TPRG1: variants seen among roughly 807,000 people sequenced by gnomAD.
The protein encoded by TPRG1 is tumor protein p63-regulated gene 1 protein.
In TPRG1, 29 loss-of-function variants were observed where a neutral mutation model predicts 29.3. The observed-to-expected ratio is 0.99, with a 90% CI of 0.74 to 1.35. The LOEUF is 1.35. Ranked by LOEUF, TPRG1 falls within the 40% of genes most tolerant of loss-of-function variation. TPRG1 has a pLI of 0.00. For missense variants in TPRG1, 327 were observed against 335.0 expected, an observed-to-expected ratio of 0.98 and a Z score of 0.19; for synonymous variants, 130 against 116.8, an observed-to-expected ratio of 1.11 and a Z score of -0.73.
At chr3:189,128,995 A>C (rs1429757899) in intron 2 of TPRG1, among the ~76,000 whole-genome samples, 4 of 152,152 alleles carry the variant, frequency 2.6e-5, no homozygotes, top group African/African-American at 9.7e-5. Context: ...GAAAAACAAA[A>C]ACAAAAACAA....
chr3:189,068,433 A>G (rs1453111512), intron 4 of TPRG1, among the ~76,000 whole-genome samples: 1 of 152,188 alleles, frequency 6.6e-6, no homozygotes, highest in Non-Finnish European at 1.5e-5. Flanking sequence ...GAATGGATTA[A>G]AAAAAGATGG....
At chr3:189,261,257 C>T (rs894071716) in intron 4 of TPRG1, among the ~76,000 whole-genome samples, 2 of 151,920 alleles carry the variant, frequency 1.3e-5, no homozygotes, top group Admixed American at 6.6e-5. Flanking sequence ...TTGAGTGCTC[C>T]AAAAGAATCT....
intron 3 of TPRG1, among the ~76,000 whole-genome samples, chr3:189,217,148 T>C (rs1389637753): frequency 1.3e-5 from 2 of 152,214 alleles, no homozygotes; most frequent in African/African-American, 4.8e-5. Flanking sequence ...TGTCCAAAAC[T>C]AAGTCAGACT....
intron 1 of TPRG1, among the ~76,000 whole-genome samples, chr3:189,111,125 A>AC (rs397971926): frequency 6.6e-6 from 1 of 151,730 alleles, no homozygotes; most frequent in East Asian, 1.9e-4. Context: ...AACAAAAAAA[A>AC]TCTTACTAGA....
chr3:189,226,783 T>C (rs1578916379), intron 3 of TPRG1, among the ~76,000 whole-genome samples: 1 of 128,354 alleles, frequency 7.8e-6, no homozygotes, highest in East Asian at 2.2e-4. Flanking sequence ...ATGGAAAGCA[T>C]CTAGCAAGGC....
rs539100974 is a variant in TPRG1 at position 189,112,655 on chromosome 3, C to T, written c.-744+12451C>T. The stretch of plus-strand genomic sequence containing the variant: ...GGAATCCTTTCCCCATTGCTTGTTT[C>T]TCTCAGGTTTGTCAAAGATCAGATA... On this transcript the variant is annotated intron_variant, in intron 1 of 6. Transcript: ENST00000412373. Among the ~76,000 whole-genome samples, 12 of 152,014 alleles carry T rather than the reference C, an allele frequency of 7.9e-5. No individual in the cohort carries two copies. The East Asian group carries it at 1.9e-3, about 24-fold the overall frequency.
chr3:189,227,867 A>T (rs1000172810), intron 3 of TPRG1, among the ~76,000 whole-genome samples: 5 of 152,208 alleles, frequency 3.3e-5, no homozygotes, highest in Non-Finnish European at 7.3e-5. Context: ...CATGCTTGTA[A>T]TCCCAGCACT....
At chr3:189,062,422 A>T (rs1293883005) in intron 4 of TPRG1, among the ~76,000 whole-genome samples, 1 of 152,188 alleles carries the variant, frequency 6.6e-6, no homozygotes, top group East Asian at 1.9e-4. Context: ...CTGAATATGT[A>T]TCCCTGAACC....
chr3:189,302,997 C>T (rs1721073599), intron 4 of TPRG1, among the ~76,000 whole-genome samples: 1 of 152,110 alleles, frequency 6.6e-6, no homozygotes, highest in South Asian at 2.1e-4. Context: ...ACTTAGCAGT[C>T]AAGAATCTTT....
At chr3:189,122,944 C>T (rs1256444644) in intron 1 of TPRG1, among the ~76,000 whole-genome samples, 2 of 152,152 alleles carry the variant, frequency 1.3e-5, no homozygotes, top group Non-Finnish European at 2.9e-5. Context: ...ATGTGCCAGG[C>T]ACTATTCTAG....
intron 4 of TPRG1, among the ~76,000 whole-genome samples, chr3:189,035,621 C>T (rs927244673): frequency 6.6e-6 from 1 of 152,126 alleles, no homozygotes; most frequent in African/African-American, 2.4e-5. Context: ...GGGCAGAAGA[C>T]ATGAATAGAC....
chr3:189,263,270 T>C (rs1713457511), intron 4 of TPRG1, among the ~76,000 whole-genome samples: 1 of 152,090 alleles, frequency 6.6e-6, no homozygotes, highest in Admixed American at 6.5e-5. Flanking sequence ...AAGAAGAAAT[T>C]TTGGTATTGT....
chr3:189,243,720 A>C lies in TPRG1; in HGVS notation c.479+4811A>C, dbSNP rs1014474809. Reference sequence around the variant, plus strand: ...TTGATGCTTAGAAATTTCTTCCACTAGATAATCCTAAATCATCACTCTCAA... The same window carrying C: ...TTGATGCTTAGAAATTTCTTCCACTCGATAATCCTAAATCATCACTCTCAA... On this transcript the variant is annotated intron_variant, in intron 4 of 5. Coordinates refer to ENST00000345063, the MANE Select transcript of TPRG1 (RefSeq NM_198485.4). Among the ~76,000 whole-genome samples, 7 of 152,266 alleles carry C rather than the reference A, an allele frequency of 4.6e-5. No homozygotes were observed. In the South Asian group the frequency reaches 1.5e-3, roughly 32 times the overall value.
At chr3:189,039,626 A>C (rs1349948168) in intron 4 of TPRG1, among the ~76,000 whole-genome samples, 1 of 152,186 alleles carries the variant, frequency 6.6e-6, no homozygotes, top group Non-Finnish European at 1.5e-5. Flanking sequence ...AAAGAAAGCA[A>C]TTTCATAAGA....
At chr3:189,285,780 A>T (rs1717957155) in intron 4 of TPRG1, among the ~76,000 whole-genome samples, 1 of 152,128 alleles carries the variant, frequency 6.6e-6, no homozygotes. Context: ...TTGTATTCAA[A>T]CTCAAGTCTC....
intron 4 of TPRG1, among the ~76,000 whole-genome samples, chr3:189,081,009 G>A (rs1472041061): frequency 1.3e-5 from 2 of 152,132 alleles, no homozygotes; most frequent in Non-Finnish European, 2.9e-5. Context: ...GGCAGCAGGT[G>A]TAGAGATGAA....
chr3:189,240,561 G>A, intron 4 of TPRG1: 1 of 152,826 alleles, frequency 6.5e-6, no homozygotes, highest in Non-Finnish European at 1.5e-5. Context: ...CTCACACGGT[G>A]GCAACAAGAG....
intron 1 of TPRG1, among the ~76,000 whole-genome samples, chr3:189,183,343 G>T (rs1730493147): frequency 6.6e-6 from 1 of 152,138 alleles, no homozygotes. Flanking sequence ...CAAGGCAAAT[G>T]GAGGCAGGGC....
At chr3:189,230,926 CTG>C (rs966357851) in intron 3 of TPRG1, among the ~76,000 whole-genome samples, 1 of 152,094 alleles carries the variant, frequency 6.6e-6, no homozygotes, top group African/African-American at 2.4e-5. Context: ...AGCTGCTGCC[CTG>C]TGTCTTCTGA....
Sources: gnomAD v4.1 joint callset for allele counts (sites outside exome capture counted in the v4.1 genomes callset) on GRCh38, gnomAD v4.1.1 for gene constraint, MANE v1.5 for transcripts, NCBI Gene and HGNC (gene_info 2026-07-23, HGNC 2026-07-21) for gene names.